EVA1C: variants seen among roughly 807,000 people sequenced by gnomAD.
The protein encoded by EVA1C is eva-1 homolog C.
Under a neutral mutation model 45.4 loss-of-function variants are expected in EVA1C, and 25 were observed. That is an observed-to-expected ratio of 0.55 (90% CI 0.40 to 0.77). The LOEUF (loss-of-function observed/expected upper bound fraction) is 0.77. Ranked by LOEUF, EVA1C falls within the 30% of genes least tolerant of loss-of-function variation. The pLI is 0.00. For synonymous variants in EVA1C, 190 were observed against 221.2 expected, an observed-to-expected ratio of 0.86 and a Z score of 1.25; for missense variants, 479 against 554.8, an observed-to-expected ratio of 0.86 and a Z score of 1.37.
chr21:32,459,693 T>G (rs575505866), intron 3 of EVA1C, among the ~76,000 whole-genome samples: 19 of 152,144 alleles, frequency 1.2e-4, no homozygotes, highest in Admixed American at 6.5e-4. Flanking sequence ...AATATGAAAT[T>G]AGCTGGGCAT....
At chr21:32,413,713 AC>A (rs1402212017) in intron 1 of EVA1C, among the ~76,000 whole-genome samples, 1 of 152,210 alleles carries the variant, frequency 6.6e-6, no homozygotes, top group Non-Finnish European at 1.5e-5. Flanking sequence ...TACAGGTGTG[AC>A]GCCCCAAAGT....
intron 4 of EVA1C, among the ~76,000 whole-genome samples, chr21:32,483,360 C>T (rs980462771): frequency 1.7e-4 from 25 of 146,004 alleles, no homozygotes; most frequent in African/African-American, 5.6e-4. Flanking sequence ...ACAGACTTGA[C>T]GTTTCTGGCA....
At chr21:32,445,281 C>T (rs1044732448) in intron 1 of EVA1C, among the ~76,000 whole-genome samples, 1 of 152,160 alleles carries the variant, frequency 6.6e-6, no homozygotes, top group Non-Finnish European at 1.5e-5. Context: ...TTGCCTCAGG[C>T]GAGCAGAAGG....
intron 1 of EVA1C, among the ~76,000 whole-genome samples, chr21:32,415,613 C>A (rs750274698): frequency 6.6e-6 from 1 of 151,912 alleles, no homozygotes; most frequent in Non-Finnish European, 1.5e-5. Flanking sequence ...ATTCCAGCAT[C>A]GATCTCACTC....
chr21:32,413,892 C>T (rs1418208686), intron 1 of EVA1C, among the ~76,000 whole-genome samples: 3 of 152,200 alleles, frequency 2.0e-5, no homozygotes, highest in African/African-American at 4.8e-5. Context: ...CAGCTCTGAG[C>T]CCCATACTCC....
At chr21:32,445,736 C>CA (rs1402340373) in intron 1 of EVA1C, among the ~76,000 whole-genome samples, 1 of 152,132 alleles carries the variant, frequency 6.6e-6, no homozygotes, top group Non-Finnish European at 1.5e-5. Context: ...CATCTGTATT[C>CA]AAAAAATGAA....
At chr21:32,509,854 A>T (rs1406800336) in intron 7 of EVA1C, among the ~76,000 whole-genome samples, 1 of 151,348 alleles carries the variant, frequency 6.6e-6, no homozygotes, top group Non-Finnish European at 1.5e-5. Context: ...ATGCAGAAAA[A>T]CCAGGGTGTG....
chr21:32,467,917 T>TAC, intron 4 of EVA1C, 69 bp downstream of exon 4: 1 of 889,324 alleles, frequency 1.1e-6, no homozygotes, highest in Non-Finnish European at 1.5e-6. Context: ...TATATATATA[T>TAC]ATATCCTATA....
chr21:32,496,798 G>T, intron 5 of EVA1C: 1 of 764,858 alleles, frequency 1.3e-6, no homozygotes. Flanking sequence ...GGCCGCCATA[G>T]CCCTGGGAAC....
chr21:32,425,486 G>C (rs1489784486), intron 1 of EVA1C, among the ~76,000 whole-genome samples: 1 of 151,994 alleles, frequency 6.6e-6, no homozygotes, highest in Admixed American at 6.6e-5. Context: ...GCCTGGCCCA[G>C]GATTATTTTT....
At chr21:32,432,696 C>T (rs2146166176) in intron 1 of EVA1C, among the ~76,000 whole-genome samples, 1 of 152,190 alleles carries the variant, frequency 6.6e-6, no homozygotes, top group African/African-American at 2.4e-5. Flanking sequence ...AGTTTTGGCC[C>T]CCTTGGCAGG....
In EVA1C at chr21:32,474,059, C is replaced by T. The variant is rs1229440538; in HGVS notation, c.634+6211C>T. ...TCTCTCACCTCAGCCTCCTGAGTAG[C>T]TGGGACTACAGGTGCATGCCACCAT... On this transcript the variant is annotated intron_variant, in intron 4 of 7. Coordinates refer to ENST00000300255, the MANE Select transcript of EVA1C (RefSeq NM_058187.5). The surrounding 1 kb of genome is among the most constrained non-coding windows in gnomAD (Gnocchi z 4.4). 5.3e-6 allele frequency: 3 copies of T among 562,234 alleles called. No individual in the cohort carries two copies. Among genetic ancestry groups the T allele is most frequent in the Non-Finnish European group, 6.8e-6 (3 of 443,508 alleles). 34.8% of individuals were successfully genotyped at this position (562,234 alleles called of 1,614,324 possible).
intron 4 of EVA1C, among the ~76,000 whole-genome samples, chr21:32,470,414 C>T (rs190305848): frequency 1.3e-5 from 2 of 152,320 alleles, no homozygotes; most frequent in Admixed American, 1.3e-4. Context: ...ATACACTGCC[C>T]TTAACTCGAT....
intron 1 of EVA1C, among the ~76,000 whole-genome samples, chr21:32,435,828 T>C (rs531639231): frequency 7.2e-5 from 11 of 152,234 alleles, no homozygotes; most frequent in South Asian, 2.1e-4. Flanking sequence ...ATACTGTCAT[T>C]TGTTATTTAA....
chr21:32,500,539 T>G (rs965029755), intron 5 of EVA1C, among the ~76,000 whole-genome samples: 31 of 152,174 alleles, frequency 2.0e-4, no homozygotes, highest in African/African-American at 6.0e-4. Flanking sequence ...AATTTAGAGT[T>G]GTGCAACCAT....
chr21:32,498,915 G>A (rs1421232501), intron 5 of EVA1C, among the ~76,000 whole-genome samples: 2 of 152,182 alleles, frequency 1.3e-5, no homozygotes, highest in African/African-American at 4.8e-5. Context: ...TTGAATCAAG[G>A]AGATGCAAAA....
chr21:32,415,665 T>C (rs576347487), intron 1 of EVA1C, among the ~76,000 whole-genome samples: 1 of 152,164 alleles, frequency 6.6e-6, no homozygotes, highest in South Asian at 2.1e-4. Context: ...TCCTCCTCCC[T>C]GTCCATGCTC....
chr21:32,422,151 A>G (rs1429248896), intron 1 of EVA1C, among the ~76,000 whole-genome samples: 2 of 152,182 alleles, frequency 1.3e-5, no homozygotes, highest in Admixed American at 6.6e-5. Flanking sequence ...GTATTTGTAA[A>G]AGAATCAAAG....
At chr21:32,421,564 A>C (rs1418857403) in intron 1 of EVA1C, among the ~76,000 whole-genome samples, 2 of 152,228 alleles carry the variant, frequency 1.3e-5, no homozygotes, top group African/African-American at 2.4e-5. Flanking sequence ...TTGAGAAACT[A>C]ATAAAGTTGT....
Sources: gnomAD v4.1 joint callset for allele counts (sites outside exome capture counted in the v4.1 genomes callset) on GRCh38, gnomAD v4.1.1 for gene constraint, Gnocchi (gnomAD v3.1) non-coding constraint, MANE v1.5 for transcripts, NCBI Gene and HGNC (gene_info 2026-07-23, HGNC 2026-07-21) for gene names.